The following GRAMD2B variants were observed in gnomAD, a reference collection of about 807,000 sequenced individuals.
GRAMD2B encodes the protein GRAM domain containing 2B.
GRAMD2B carries 41 observed loss-of-function variants against 59.2 expected under a neutral mutation model. That is an observed-to-expected ratio of 0.69 (90% CI 0.54 to 0.90). The LOEUF is 0.90. Ranked by LOEUF, GRAMD2B falls within the 40% of genes least tolerant of loss-of-function variation. The pLI, the probability that GRAMD2B is intolerant of heterozygous loss-of-function variation, is 0.00. For missense variants in GRAMD2B, 424 were observed against 500.5 expected (o/e 0.85, Z 1.46); for synonymous variants, 161 against 182.7 (o/e 0.88, Z 0.96).
chr5:126,447,381 G>A (rs946661587), intron 1 of GRAMD2B, among the ~76,000 whole-genome samples: 4 of 152,202 alleles, frequency 2.6e-5, no homozygotes, highest in African/African-American at 9.6e-5. Context: ...AGAAAGCCTA[G>A]GCCGGGCGCA....
upstream of GRAMD2B, among the ~76,000 whole-genome samples, chr5:126,367,958 A>G (rs989466333): frequency 2.0e-5 from 3 of 151,996 alleles, no homozygotes; most frequent in Non-Finnish European, 2.9e-5. Context: ...TCACCGTGTT[A>G]GCCAAGATGG....
At chr5:126,423,122 C>G (rs1357380397), upstream of GRAMD2B, 1 of 985,708 alleles carries the variant, frequency 1.0e-6, no homozygotes, top group Non-Finnish European at 1.2e-6. Context: ...CAGGGCGTCC[C>G]ACTCAGACGT....
chr5:126,367,432 T>TGGAGGAGGAGGAGGAGGAGGAGGAGGA (rs70994862), upstream of GRAMD2B, among the ~76,000 whole-genome samples: 4 of 140,764 alleles, frequency 2.8e-5, no homozygotes, highest in African/African-American at 1.1e-4. Context: ...CTGTAAAAAC[T>TGGAGGAGGAGGAGGAGGAGGAGGAGGA]GGAGGAGGAG....
intron 12 of GRAMD2B, among the ~76,000 whole-genome samples, 155 bp from the exon 13 acceptor site, chr5:126,488,644 G>A (rs551636827): frequency 1.3e-5 from 2 of 152,142 alleles, no homozygotes; most frequent in Non-Finnish European, 2.9e-5. Flanking sequence ...CTGGAGTTGC[G>A]GATTACTGCA....
At chr5:126,433,391 C>T (rs1373220419) in intron 1 of GRAMD2B, 2 of 152,160 alleles carry the variant, frequency 1.3e-5, no homozygotes, top group East Asian at 3.8e-4. Flanking sequence ...ACTAGATTTA[C>T]GAAGGGCAAA....
At chr5:126,396,027 G>T (rs553392593) in intron 1 of GRAMD2B, among the ~76,000 whole-genome samples, 9 of 151,920 alleles carry the variant, frequency 5.9e-5, no homozygotes, top group African/African-American at 1.7e-4. Flanking sequence ...AGTGTAAAAG[G>T]GTTCCCTTTT....
At chr5:126,470,600 C>T (rs1769367859) in intron 3 of GRAMD2B, among the ~76,000 whole-genome samples, 1 of 151,728 alleles carries the variant, frequency 6.6e-6, no homozygotes, top group Admixed American at 6.6e-5. Flanking sequence ...GCTCTGTTGC[C>T]CAGGCTGGAG....
chr5:126,480,238 G>T (rs117945696), intron 6 of GRAMD2B: 1 of 520,872 alleles, frequency 1.9e-6, no homozygotes, highest in Admixed American at 3.6e-5. Context: ...TCTTAAATTG[G>T]GTTTGAAGAT....
chr5:126,383,324 A>G (rs1221267321), intron 1 of GRAMD2B, among the ~76,000 whole-genome samples: 1 of 152,230 alleles, frequency 6.6e-6, no homozygotes, highest in Non-Finnish European at 1.5e-5. Context: ...GGCAAATGTA[A>G]TTGAATTGAA....
At chr5:126,363,553 A>C (rs1463612258) in intron 1 of GRAMD2B, among the ~76,000 whole-genome samples, 1 of 152,218 alleles carries the variant, frequency 6.6e-6, no homozygotes, top group Non-Finnish European at 1.5e-5. Flanking sequence ...AAACAATCCA[A>C]GTCTCCATCA....
intron 1 of GRAMD2B, among the ~76,000 whole-genome samples, chr5:126,416,148 G>A (rs73332492): frequency 0.017 from 2,518 of 152,274 alleles, 62 homozygotes; most frequent in African/African-American, 0.057. Flanking sequence ...ATTGTTGCCT[G>A]TGGATTATAA....
At chr5:126,447,629 A>T (rs1160560561) in intron 1 of GRAMD2B, among the ~76,000 whole-genome samples, 1 of 149,404 alleles carries the variant, frequency 6.7e-6, no homozygotes, top group Non-Finnish European at 1.5e-5. Context: ...GTGCCACTGC[A>T]CTCCAGCCTG....
At chr5:126,442,357 G>A (rs1453516738) in intron 1 of GRAMD2B, among the ~76,000 whole-genome samples, 3 of 148,516 alleles carry the variant, frequency 2.0e-5, no homozygotes, top group African/African-American at 5.0e-5. Flanking sequence ...ATGGTGTGAT[G>A]TGGGCTCACT....
chr5:126,404,283 T>C (rs938918857), intron 1 of GRAMD2B, among the ~76,000 whole-genome samples: 1 of 151,876 alleles, frequency 6.6e-6, no homozygotes, highest in Admixed American at 6.6e-5. Flanking sequence ...CCCCTTTTTT[T>C]CTTTGTGGTA....
intron 1 of GRAMD2B, among the ~76,000 whole-genome samples, chr5:126,415,858 A>T (rs1424689461): frequency 6.6e-6 from 1 of 152,246 alleles, no homozygotes; most frequent in Non-Finnish European, 1.5e-5. Context: ...GAAAAGTCAG[A>T]ATAAGCAATA....
intron 1 of GRAMD2B, among the ~76,000 whole-genome samples, chr5:126,407,445 A>G (rs1028308261): frequency 1.3e-5 from 2 of 151,870 alleles, no homozygotes; most frequent in Non-Finnish European, 2.9e-5. Context: ...AATTCCAATG[A>G]CTCTTACTAC....
chr5:126,472,848 G>GACCTTCA, intron 4 of GRAMD2B, among the ~76,000 whole-genome samples: 1 of 152,280 alleles, frequency 6.6e-6, no homozygotes, highest in Non-Finnish European at 1.5e-5. Flanking sequence ...TTCCTGCCAT[G>GACCTTCA]ACCTTCAAAC....
At chr5:126,473,486 CAA>C (rs1216453885) in intron 5 of GRAMD2B, 118 bp downstream of exon 5, 2 of 430,816 alleles carry the variant, frequency 4.6e-6, no homozygotes, top group African/African-American at 4.1e-5. Context: ...TCTTTTATGT[CAA>C]GTTTCTTTTG....
At chr5:126,474,944 G>T (rs138792537) in intron 5 of GRAMD2B, among the ~76,000 whole-genome samples, 2,077 of 152,278 alleles carry the variant, frequency 0.014, 26 homozygotes, top group Non-Finnish European at 0.019. Context: ...TCTAAGGATG[G>T]TGTCAAAGGA....
Sources: gnomAD v4.1 joint callset for allele counts (sites outside exome capture counted in the v4.1 genomes callset) on GRCh38, gnomAD v4.1.1 for gene constraint, MANE v1.5 for transcripts, NCBI Gene and HGNC (gene_info 2026-07-23, HGNC 2026-07-21) for gene names.